ROBO2: variants seen among roughly 807,000 people sequenced by gnomAD.
ROBO2 encodes the protein roundabout homolog 2.
A neutral mutation model predicts 160.8 loss-of-function variants in ROBO2; 53 were observed. That is an observed-to-expected ratio of 0.33 (90% CI 0.26 to 0.41). ROBO2 has a LOEUF of 0.41. Among genes scored for constraint, ROBO2 ranks in the 10% least tolerant of loss-of-function variants. The pLI, the probability that ROBO2 is intolerant of heterozygous loss-of-function variation, is 1.00. For missense variants in ROBO2, 1,577 were observed against 1,722.4 expected (o/e 0.92, Z 1.49); for synonymous variants, 664 against 611.7 (o/e 1.09, Z -1.26).
intron 4 of ROBO2, among the ~76,000 whole-genome samples, chr3:77,484,295 T>G (rs889436682): frequency 2.0e-5 from 3 of 151,968 alleles, no homozygotes; most frequent in African/African-American, 4.8e-5. Flanking sequence ...GAAAGTAGAG[T>G]TGAAGTAAAT....
chr3:76,777,575 G>A (rs370066261), intron 2 of ROBO2, among the ~76,000 whole-genome samples: 2 of 150,168 alleles, frequency 1.3e-5, no homozygotes, highest in Non-Finnish European at 1.5e-5. Context: ...TTAACAAAAC[G>A]TTTTTTCTAT....
At chr3:76,563,843 A>C (rs184977738) in intron 2 of ROBO2, among the ~76,000 whole-genome samples, 1 of 152,350 alleles carries the variant, frequency 6.6e-6, no homozygotes, top group Non-Finnish European at 1.5e-5. Context: ...AATTTAAAAA[A>C]TAATAAACAG....
chr3:77,289,110 C>T (rs897490344), intron 2 of ROBO2, among the ~76,000 whole-genome samples: 1 of 152,068 alleles, frequency 6.6e-6, no homozygotes, highest in Non-Finnish European at 1.5e-5. Flanking sequence ...GTGGATTGTA[C>T]AGTCTAGTGG....
chr3:76,531,117 T>C (rs1364711568), intron 2 of ROBO2, among the ~76,000 whole-genome samples: 2 of 152,220 alleles, frequency 1.3e-5, no homozygotes, highest in Non-Finnish European at 2.9e-5. Context: ...ATTTATTTGT[T>C]TTTTGTCCGA....
chr3:77,432,100 T>A (rs2078833253), intron 2 of ROBO2, among the ~76,000 whole-genome samples: 1 of 152,162 alleles, frequency 6.6e-6, no homozygotes, highest in African/African-American at 2.4e-5. Context: ...TTTTTAGCAA[T>A]TTGGAATAAA....
At chr3:75,974,164 T>C (rs2065073086) in intron 2 of ROBO2, among the ~76,000 whole-genome samples, 1 of 151,630 alleles carries the variant, frequency 6.6e-6, no homozygotes, top group Admixed American at 6.6e-5. Flanking sequence ...CTGAATATAG[T>C]GCGTTTGGTG....
intron 2 of ROBO2, among the ~76,000 whole-genome samples, chr3:76,011,947 C>A (rs903492633): frequency 6.6e-6 from 1 of 152,178 alleles, no homozygotes; most frequent in Non-Finnish European, 1.5e-5. Context: ...TCGATGCAAT[C>A]ACCTCACCAG....
chr3:76,124,353 A>C (rs2070880514), intron 2 of ROBO2, among the ~76,000 whole-genome samples: 1 of 151,856 alleles, frequency 6.6e-6, no homozygotes, highest in South Asian at 2.1e-4. Context: ...TCTCATTATG[A>C]CTCTATCTAG....
chr3:76,900,033 G>T (rs2075104545), intron 2 of ROBO2, among the ~76,000 whole-genome samples: 1 of 152,058 alleles, frequency 6.6e-6, no homozygotes, highest in South Asian at 2.1e-4. Context: ...CCACGTGGCT[G>T]GGGAGGCCTC....
intron 2 of ROBO2, among the ~76,000 whole-genome samples, chr3:77,469,272 G>T (rs759085146): frequency 2.6e-5 from 4 of 152,302 alleles, no homozygotes; most frequent in Non-Finnish European, 2.9e-5. Flanking sequence ...GTCCTTAAGA[G>T]CCCAGATTTT....
At chr3:77,486,478 T>G (rs1223722988) in intron 4 of ROBO2, among the ~76,000 whole-genome samples, 1 of 152,342 alleles carries the variant, frequency 6.6e-6, no homozygotes, top group South Asian at 2.1e-4. Context: ...TGAGATGGTA[T>G]CTCACTGTGG....
chr3:76,596,292 T>G (rs967232662), intron 2 of ROBO2, among the ~76,000 whole-genome samples: 10 of 152,138 alleles, frequency 6.6e-5, no homozygotes, highest in African/African-American at 2.4e-4. Context: ...GGACAATGCT[T>G]ACAGTATTAT....
chr3:76,474,523 G>A (rs9845689), intron 2 of ROBO2, among the ~76,000 whole-genome samples: 64,753 of 151,842 alleles, frequency 0.43, 13,852 homozygotes, highest in African/African-American at 0.47. Context: ...ATAAACAACA[G>A]CAACAAAAGT....
intron 2 of ROBO2, among the ~76,000 whole-genome samples, chr3:76,973,084 G>A (rs532604788): frequency 1.3e-5 from 2 of 152,276 alleles, no homozygotes; most frequent in African/African-American, 4.8e-5. Flanking sequence ...CTCGGCCTGT[G>A]GACCCAAGGG....
At chr3:76,168,477 A>C (rs2072917522) in intron 2 of ROBO2, among the ~76,000 whole-genome samples, 1 of 151,792 alleles carries the variant, frequency 6.6e-6, no homozygotes, top group Non-Finnish European at 1.5e-5. Context: ...TTGGATTGTC[A>C]TTGTCAGTTC....
At chr3:77,237,442 T>TGTGTGTGTGTGTG (rs892468313) in intron 2 of ROBO2, among the ~76,000 whole-genome samples, 3 of 150,696 alleles carry the variant, frequency 2.0e-5, no homozygotes, top group South Asian at 2.1e-4. Flanking sequence ...TGTGTGTGTG[T>TGTGTGTGTGTGTG]GTGGTGGTGA....
intron 2 of ROBO2, among the ~76,000 whole-genome samples, chr3:76,218,312 G>C (rs1262983622): frequency 1.3e-5 from 2 of 152,154 alleles, no homozygotes; most frequent in Non-Finnish European, 2.9e-5. Flanking sequence ...GTTCTGGCCA[G>C]GTCAGTCAGG....
intron 2 of ROBO2, among the ~76,000 whole-genome samples, chr3:76,839,972 C>G (rs1018466455): frequency 6.6e-6 from 1 of 152,080 alleles, no homozygotes; most frequent in Non-Finnish European, 1.5e-5. Flanking sequence ...TCATAGGTAC[C>G]TCTACTAATC....
chr3:77,169,615 C>T (rs1298838678), intron 2 of ROBO2, among the ~76,000 whole-genome samples: 4 of 152,188 alleles, frequency 2.6e-5, no homozygotes, highest in African/African-American at 4.8e-5. Flanking sequence ...CCACCCTACT[C>T]ACCTGTATCA....
Sources: gnomAD v4.1 joint callset for allele counts (sites outside exome capture counted in the v4.1 genomes callset) on GRCh38, gnomAD v4.1.1 for gene constraint, MANE v1.5 for transcripts, NCBI Gene and HGNC (gene_info 2026-07-23, HGNC 2026-07-21) for gene names.